CWC27: variants seen among roughly 807,000 people sequenced by gnomAD.
CWC27 encodes spliceosome-associated protein CWC27 homolog.
Under a neutral mutation model 63.6 loss-of-function variants are expected in CWC27, and 47 were observed. That is an observed-to-expected ratio of 0.74 (90% CI 0.58 to 0.94). The LOEUF (loss-of-function observed/expected upper bound fraction) is 0.94, where lower values mean the gene tolerates loss of function less well. Ranked by LOEUF, CWC27 falls within the 40% of genes least tolerant of loss-of-function variation. The pLI, the probability that CWC27 is intolerant of heterozygous loss-of-function variation, is 0.00. For synonymous variants in CWC27, 175 were observed against 179.8 expected (o/e 0.97, Z 0.22); for missense variants, 495 against 554.3 (o/e 0.89, Z 1.07).
chr5:64,962,163 TG>T (rs1748922657), intron 11 of CWC27, among the ~76,000 whole-genome samples: 1 of 152,204 alleles, frequency 6.6e-6, no homozygotes, highest in Non-Finnish European at 1.5e-5. Context: ...TTCAAGCACA[TG>T]AGAAATAGAT....
At chr5:64,888,098 G>A (rs1308905459) in intron 11 of CWC27, among the ~76,000 whole-genome samples, 3 of 151,836 alleles carry the variant, frequency 2.0e-5, no homozygotes, top group African/African-American at 2.4e-5. Flanking sequence ...GTTGATTGCA[G>A]GTCTGGAGAA....
intron 10 of CWC27, among the ~76,000 whole-genome samples, chr5:64,825,269 C>T (rs1035281376): frequency 6.6e-6 from 1 of 152,110 alleles, no homozygotes; most frequent in Non-Finnish European, 1.5e-5. Flanking sequence ...TTTTGCATGT[C>T]TCTTCCCCAA....
At position 64,923,959 on chromosome 5, in the gene CWC27, T is replaced by C. The variant is rs531435154; in HGVS notation, c.1042+38413T>C. ...TCATCTTTGGCTTCTTTCACTTTTT[T>C]GCTATCCCTCATCCCTACCCTTATA... On this transcript the variant is annotated intron_variant, in intron 11 of 13. Transcript: ENST00000381070. Among the ~76,000 whole-genome samples, 157 of 152,234 alleles carry C rather than the reference T, an allele frequency of 1.0e-3. 2 individuals are homozygous for C. Among genetic ancestry groups the C allele is most frequent in the East Asian group, 3.5e-3 (18 of 5,176 alleles).
intron 10 of CWC27, among the ~76,000 whole-genome samples, chr5:64,874,612 A>G (rs1269877662): frequency 6.6e-6 from 1 of 151,942 alleles, no homozygotes; most frequent in East Asian, 1.9e-4. Flanking sequence ...AGTTACAGAC[A>G]CGCACCACCA....
At chr5:65,017,966 C>T (rs993522721) in intron 13 of CWC27, among the ~76,000 whole-genome samples, 193 bp from the exon 14 acceptor site, 2 of 152,224 alleles carry the variant, frequency 1.3e-5, no homozygotes, top group African/African-American at 4.8e-5. Context: ...GCAGAACAAA[C>T]TCCAGACATG....
chr5:65,003,171 G>A (rs1045742945), intron 13 of CWC27, among the ~76,000 whole-genome samples: 31 of 152,110 alleles, frequency 2.0e-4, no homozygotes, highest in African/African-American at 7.0e-4. Flanking sequence ...CAGTCTATAC[G>A]TGTCTTTACA....
At chr5:64,993,355 G>A (rs1175964771) in intron 13 of CWC27, among the ~76,000 whole-genome samples, 1 of 152,012 alleles carries the variant, frequency 6.6e-6, no homozygotes, top group Non-Finnish European at 1.5e-5. Context: ...TGAAAAAAAG[G>A]CAAATGTTAA....
intron 10 of CWC27, among the ~76,000 whole-genome samples, chr5:64,816,244 A>G (rs1580635113): frequency 6.6e-6 from 1 of 152,120 alleles, no homozygotes; most frequent in Non-Finnish European, 1.5e-5. Flanking sequence ...TGTCCACTCA[A>G]TTATGCCATT....
Position 64,892,498 on chromosome 5 carries a change from T to A in CWC27, c.1042+6952T>A, listed in dbSNP as rs142781256. On this transcript the variant is annotated intron_variant, in intron 11 of 13. Coordinates refer to ENST00000381070, the MANE Select transcript of CWC27 (RefSeq NM_005869.4). Reference sequence around the variant, plus strand: ...ACTTCGCCAAAGATAACCAGTTAACTTTGTGATATTTATTTTTTCTGGATT... The same window carrying A: ...ACTTCGCCAAAGATAACCAGTTAACATTGTGATATTTATTTTTTCTGGATT... Among the ~76,000 whole-genome samples, 218 of 152,310 alleles carry A rather than the reference T, an allele frequency of 1.4e-3. 1 individual carries two copies. The highest frequency in any genetic ancestry group is 4.8e-3 in the African/African-American group (200 of 41,566).
chr5:64,776,127 A>C (rs1384832224), intron 2 of CWC27, among the ~76,000 whole-genome samples: 1 of 139,682 alleles, frequency 7.2e-6, no homozygotes, highest in Admixed American at 7.0e-5. Context: ...GAGAGAATGA[A>C]AGGACATCTG....
At chr5:64,784,521 A>G (rs1743813069) in intron 4 of CWC27, among the ~76,000 whole-genome samples, 1 of 151,916 alleles carries the variant, frequency 6.6e-6, no homozygotes, top group Admixed American at 6.6e-5. Context: ...TTCTTCTCTC[A>G]CTCTTCTCCA....
chr5:64,873,288 A>G (rs923814699), intron 10 of CWC27, among the ~76,000 whole-genome samples: 3 of 152,228 alleles, frequency 2.0e-5, no homozygotes, highest in African/African-American at 7.2e-5. Context: ...GTAATATAGC[A>G]TATTAATAAA....
At position 64,885,440 on chromosome 5, in the gene CWC27, T is replaced by C. The variant is rs140088358; in HGVS notation, c.939-3T>C. 1.4e-4 allele frequency: 216 copies of C among 1,597,368 alleles called. No individual in the cohort carries two copies. The African/African-American group carries it at 2.2e-3, about 16-fold the overall frequency. Reference sequence around the variant, plus strand: ...TACTTATATAACTCTTTTTGCTTTATAGTGAAGAGCTCAGAAAAGAAGCAA... The same window carrying C: ...TACTTATATAACTCTTTTTGCTTTACAGTGAAGAGCTCAGAAAAGAAGCAA... On this transcript the variant is annotated splice_polypyrimidine_tract_variant and splice_region_variant and intron_variant, in intron 10 of 13. Transcript: ENST00000381070.
intron 13 of CWC27, among the ~76,000 whole-genome samples, chr5:65,017,949 C>T (rs1285710476): frequency 6.6e-6 from 1 of 152,244 alleles, no homozygotes; most frequent in Non-Finnish European, 1.5e-5. Flanking sequence ...ACTAGAAATA[C>T]AAACCAGCAG....
At chr5:64,859,928 TG>T (rs1746357376) in intron 10 of CWC27, among the ~76,000 whole-genome samples, 1 of 152,218 alleles carries the variant, frequency 6.6e-6, no homozygotes, top group African/African-American at 2.4e-5. Context: ...ATTTTATTGT[TG>T]ACAAAGTTAA....
chr5:64,835,211 A>G (rs1030525844), intron 10 of CWC27, among the ~76,000 whole-genome samples: 15 of 151,834 alleles, frequency 9.9e-5, no homozygotes, highest in Non-Finnish European at 5.9e-5. Context: ...TTCACTGTGC[A>G]TTAACATAAT....
chr5:64,951,977 CAT>C (rs1196279774), intron 11 of CWC27, among the ~76,000 whole-genome samples: 1 of 151,698 alleles, frequency 6.6e-6, no homozygotes, highest in Admixed American at 6.6e-5. Flanking sequence ...CTATATATAA[CAT>C]ATACCAAAAA....
intron 1 of CWC27, 52 bp from the exon 2 acceptor site, chr5:64,774,639 C>A: frequency 1.8e-6 from 2 of 1,084,436 alleles, no homozygotes; most frequent in Non-Finnish European, 2.6e-6. Flanking sequence ...AGTTATTCAA[C>A]TGATTATTAA....
chr5:65,011,228 C>T (rs1749948063), intron 13 of CWC27, among the ~76,000 whole-genome samples: 1 of 152,124 alleles, frequency 6.6e-6, no homozygotes, highest in South Asian at 2.1e-4. Flanking sequence ...AAAACCCCAT[C>T]TCAACAAAAA....
Sources: gnomAD v4.1 joint callset for allele counts (sites outside exome capture counted in the v4.1 genomes callset) on GRCh38, gnomAD v4.1.1 for gene constraint, MANE v1.5 for transcripts, NCBI Gene and HGNC (gene_info 2026-07-23, HGNC 2026-07-21) for gene names.